FARP1: variants seen among roughly 807,000 people sequenced by gnomAD.
FARP1 encodes FERM, ARH/RhoGEF and pleckstrin domain protein 1.
In FARP1, 52 loss-of-function variants were observed where a neutral mutation model predicts 128.8. The ratio of observed to expected loss-of-function variants is 0.40; its 90% confidence interval spans 0.32 to 0.51. FARP1 has a LOEUF of 0.51. FARP1 is among the 20% of genes least tolerant of loss of function. The pLI, the probability that FARP1 is intolerant of heterozygous loss-of-function variation, is 0.45. For missense variants in FARP1, 1,333 were observed against 1,367.9 expected (o/e 0.97, Z 0.40); for synonymous variants, 580 against 551.8 (o/e 1.05, Z -0.72).
intron 2 of FARP1, among the ~76,000 whole-genome samples, chr13:98,313,297 T>C (rs1886571192): frequency 3.2e-5 from 4 of 125,240 alleles, no homozygotes; most frequent in South Asian, 2.9e-4. Context: ...TGGGTCATAA[T>C]CCTCCCCTTC....
chr13:98,298,691 G>A (rs1373898122), intron 2 of FARP1, among the ~76,000 whole-genome samples: 1 of 152,120 alleles, frequency 6.6e-6, no homozygotes, highest in African/African-American at 2.4e-5. Flanking sequence ...TATGGGACAT[G>A]AGCAATGTAT....
At chr13:98,254,648 A>G (rs928877483) in intron 2 of FARP1, among the ~76,000 whole-genome samples, 1 of 152,216 alleles carries the variant, frequency 6.6e-6, no homozygotes, top group African/African-American at 2.4e-5. Flanking sequence ...CTGTTTACAC[A>G]TTCAGATTCA....
At position 98,381,055 on chromosome 13, in the gene FARP1, T is replaced by C. The variant is rs530029867; in HGVS notation, c.496+3137T>C. ...CCAGAAACCAGCAAGTGGCTCAAAA[T>C]CCCCAAAGAATCTTCCCTTCTCAAA... On this transcript the variant is annotated intron_variant, in intron 6 of 26. Transcript: ENST00000319562. Among the ~76,000 whole-genome samples, 6 of 152,214 alleles carry C rather than the reference T, an allele frequency of 3.9e-5. No individual in the cohort carries two copies. In the South Asian group the frequency reaches 6.2e-4, roughly 16 times the overall value.
chr13:98,256,955 A>ATATATATATATATATATATG (rs1883635799), intron 2 of FARP1, among the ~76,000 whole-genome samples: 1 of 68,990 alleles, frequency 1.4e-5, no homozygotes, highest in Non-Finnish European at 2.6e-5. Flanking sequence ...GTGGATATAT[A>ATATATATATATATATATATG]TATATATATA....
chr13:98,373,055 T>C (rs1335260530), intron 5 of FARP1, among the ~76,000 whole-genome samples: 1 of 152,188 alleles, frequency 6.6e-6, no homozygotes, highest in African/African-American at 2.4e-5. Flanking sequence ...CTTCTCATGT[T>C]ACAAGGGCCT....
chr13:98,429,271 C>T (rs3783009), intron 17 of FARP1, among the ~76,000 whole-genome samples: 13,658 of 152,180 alleles, frequency 0.09, 643 homozygotes, highest in East Asian at 0.13. Context: ...GCAGGGGTCA[C>T]TGTGTGCAGA....
intron 2 of FARP1, among the ~76,000 whole-genome samples, chr13:98,339,960 C>A (rs1488975693): frequency 3.3e-5 from 5 of 152,168 alleles, no homozygotes; most frequent in Non-Finnish European, 7.3e-5. Context: ...GCACTCCATA[C>A]ATTCACAGAA....
chr13:98,222,289 T>C (rs964580041), intron 2 of FARP1, among the ~76,000 whole-genome samples: 1 of 152,082 alleles, frequency 6.6e-6, no homozygotes, highest in Non-Finnish European at 1.5e-5. Context: ...GTGCTACTGG[T>C]GATAAGAAAA....
chr13:98,385,989 T>A (rs1413678487), intron 8 of FARP1, 175 bp downstream of exon 8: 6 of 623,240 alleles, frequency 9.6e-6, no homozygotes, highest in Non-Finnish European at 1.4e-5. Context: ...GCTCCCAGAT[T>A]CTATTTCACT....
intron 2 of FARP1, among the ~76,000 whole-genome samples, chr13:98,215,976 A>T (rs1881038813): frequency 6.6e-6 from 1 of 152,044 alleles, no homozygotes; most frequent in South Asian, 2.1e-4. Context: ...TTTTTAGTAG[A>T]GACGGGCTTT....
chr13:98,148,393 CAAT>C (rs1768329434), intron 1 of FARP1, among the ~76,000 whole-genome samples: 1 of 152,138 alleles, frequency 6.6e-6, no homozygotes, highest in Non-Finnish European at 1.5e-5. Context: ...AAACACAAGA[CAAT>C]AAAAGCATGA....
chr13:98,256,385 G>A (rs1386444433), intron 2 of FARP1, among the ~76,000 whole-genome samples: 2 of 152,090 alleles, frequency 1.3e-5, no homozygotes, highest in South Asian at 2.1e-4. Flanking sequence ...TCAGAGGCAG[G>A]GGAGAGGGGA....
chr13:98,413,673 A>G (rs1266944913), intron 16 of FARP1, among the ~76,000 whole-genome samples: 1 of 152,202 alleles, frequency 6.6e-6, no homozygotes, highest in Admixed American at 6.5e-5. Flanking sequence ...AATTAAAATT[A>G]AAATTCTACC....
In FARP1 at chr13:98,427,592, C is replaced by T. The variant is rs148942634; in HGVS notation, c.1905+2942C>T. On this transcript the variant is annotated intron_variant, in intron 17 of 26. Transcript: ENST00000319562. Reference sequence around the variant, plus strand: ...GTGGTGCTGTTCAGCAAGTGTCCTTCGTGCCTTCTCCAGGTTGTGTGCCAA... The same window carrying T: ...GTGGTGCTGTTCAGCAAGTGTCCTTTGTGCCTTCTCCAGGTTGTGTGCCAA... Among the ~76,000 whole-genome samples the T allele has an allele frequency of 4.1e-3, 621 of 152,324 alleles. 5 individuals carry two copies. Among genetic ancestry groups the T allele is most frequent in the African/African-American group, 0.014 (598 of 41,584 alleles).
chr13:98,403,628 G>T (rs183974298), intron 13 of FARP1: 2 of 152,162 alleles, frequency 1.3e-5, no homozygotes, highest in Non-Finnish European at 2.9e-5. Context: ...TTTCATTTTG[G>T]TGGGCACCCA....
At chr13:98,287,964 G>T (rs1345241316) in intron 2 of FARP1, among the ~76,000 whole-genome samples, 10 of 151,926 alleles carry the variant, frequency 6.6e-5, no homozygotes, top group African/African-American at 2.4e-4. Context: ...ACCATGCCCG[G>T]CTAATTTTTG....
At chr13:98,315,432 T>C (rs1002088707) in intron 2 of FARP1, among the ~76,000 whole-genome samples, 4 of 152,074 alleles carry the variant, frequency 2.6e-5, no homozygotes, top group Non-Finnish European at 5.9e-5. Context: ...GCGAAGATGG[T>C]CCATTAAACC....
chr13:98,440,711 G>A lies in FARP1; in HGVS notation c.2671G>A (p.Asp891Asn). ...CACCGCGGCTGACCAGGAGTCAGAG[G>A]ATGACCTGAGCGCCTCGCGCACATC... ...EATAADQESE[D>N]DLSASRTSLE... The change falls in exon 24 of 27, where the codon GAT becomes AAT. Residue 891 changes from aspartate (D) to asparagine (N), a missense_variant. This residue lies in a region of FARP1 where 1,009 missense variants were observed against 969.8 expected (regional missense o/e 1.04). Transcript: ENST00000319562. 6.2e-7 allele frequency: 1 copy of A among 1,613,572 alleles called. No individual in the cohort carries two copies. The highest frequency in any genetic ancestry group is 8.5e-7 in the Non-Finnish European group (1 of 1,179,968).
At chr13:98,244,435 A>G (rs1882947193) in intron 2 of FARP1, 3 of 1,505,886 alleles carry the variant, frequency 2.0e-6, no homozygotes, top group Non-Finnish European at 2.7e-6. Flanking sequence ...TTTTTAAAAA[A>G]CAACAACAAA....
Sources: gnomAD v4.1 joint callset for allele counts (sites outside exome capture counted in the v4.1 genomes callset) on GRCh38, gnomAD v4.1.1 for gene constraint, gnomAD v4.1.1 regional missense constraint, MANE v1.5 for transcripts, NCBI Gene and HGNC (gene_info 2026-07-23, HGNC 2026-07-21) for gene names.